ADAMTSL1: variants seen among roughly 807,000 people sequenced by gnomAD.
ADAMTSL1 encodes ADAMTS like 1.
ADAMTSL1 carries 126 observed loss-of-function variants against 201.8 expected under a neutral mutation model. The observed-to-expected ratio is 0.62, with a 90% CI of 0.54 to 0.72. The LOEUF (loss-of-function observed/expected upper bound fraction) is 0.72. ADAMTSL1 is among the 30% of genes least tolerant of loss of function. The pLI is 0.00. For synonymous variants in ADAMTSL1, 1,121 were observed against 903.4 expected (o/e 1.24, Z -4.32); for missense variants, 2,679 against 2,277.8 (o/e 1.18, Z -3.59).
At chr9:18,313,591 T>A (rs571059805) in intron 2 of ADAMTSL1, among the ~76,000 whole-genome samples, 1 of 152,152 alleles carries the variant, frequency 6.6e-6, no homozygotes, top group South Asian at 2.1e-4. Flanking sequence ...ACAGACAGTG[T>A]TTGAAAAATC....
intron 4 of ADAMTSL1, among the ~76,000 whole-genome samples, chr9:18,621,207 A>G (rs1358180226): frequency 2.6e-5 from 4 of 152,210 alleles, no homozygotes; most frequent in Non-Finnish European, 5.9e-5. Flanking sequence ...AAGCCATACA[A>G]CCTGGCATAG....
intron 20 of ADAMTSL1, among the ~76,000 whole-genome samples, chr9:18,799,745 G>A (rs1360614015): frequency 6.6e-6 from 1 of 152,004 alleles, no homozygotes; most frequent in African/African-American, 2.4e-5. Flanking sequence ...TTCCTAGCAT[G>A]TTTTTTTGCT....
At chr9:18,903,511 T>G (rs1336178011) in intron 26 of ADAMTSL1, among the ~76,000 whole-genome samples, 1 of 152,196 alleles carries the variant, frequency 6.6e-6, no homozygotes, top group Non-Finnish European at 1.5e-5. Context: ...AGCATTTTAT[T>G]TCTTCACGTG....
chr9:18,489,047 G>T (rs1250304364), intron 1 of ADAMTSL1, among the ~76,000 whole-genome samples: 1 of 152,096 alleles, frequency 6.6e-6, no homozygotes, highest in Non-Finnish European at 1.5e-5. Context: ...CAAAGTATCT[G>T]GGTGGCTGGC....
intron 2 of ADAMTSL1, among the ~76,000 whole-genome samples, chr9:18,317,429 T>A (rs1424454398): frequency 6.6e-6 from 1 of 150,794 alleles, no homozygotes; most frequent in Non-Finnish European, 1.5e-5. Flanking sequence ...CACACGTACA[T>A]GAGCAAATTT....
chr9:18,169,996 T>C (rs1827818798), intron 2 of ADAMTSL1, among the ~76,000 whole-genome samples: 1 of 152,008 alleles, frequency 6.6e-6, no homozygotes, highest in African/African-American at 2.4e-5. Context: ...GAAGCATAGA[T>C]TTGGTTACAG....
chr9:18,682,083 AC>A, intron 12 of ADAMTSL1, 124 bp downstream of exon 12: 1 of 1,148,024 alleles, frequency 8.7e-7, no homozygotes, highest in South Asian at 1.9e-5. Flanking sequence ...TATAACTTAA[AC>A]TCTACTAAAG....
chr9:18,643,156 C>A (rs1827557191), intron 7 of ADAMTSL1, among the ~76,000 whole-genome samples: 1 of 151,896 alleles, frequency 6.6e-6, no homozygotes, highest in South Asian at 2.1e-4. Flanking sequence ...GTACTGAATG[C>A]CTTTCCCTGA....
At chr9:18,063,920 C>T (rs548031563) in intron 1 of ADAMTSL1, among the ~76,000 whole-genome samples, 1 of 152,240 alleles carries the variant, frequency 6.6e-6, no homozygotes, top group Admixed American at 6.5e-5. Flanking sequence ...GAGCCAGCTT[C>T]CAATTTCCGT....
At chr9:17,940,242 C>T (rs1002047837) in intron 1 of ADAMTSL1, among the ~76,000 whole-genome samples, 2 of 151,976 alleles carry the variant, frequency 1.3e-5, no homozygotes. Context: ...GAGATTGTAA[C>T]CTTTACGTCA....
intron 1 of ADAMTSL1, among the ~76,000 whole-genome samples, chr9:18,498,118 A>G (rs1245470169): frequency 6.6e-6 from 1 of 152,112 alleles, no homozygotes; most frequent in Non-Finnish European, 1.5e-5. Context: ...AAAGGTCAAA[A>G]TATGAAGCTA....
intron 23 of ADAMTSL1, among the ~76,000 whole-genome samples, chr9:18,848,220 A>G (rs1211912842): frequency 6.6e-6 from 1 of 152,188 alleles, no homozygotes; most frequent in Non-Finnish European, 1.5e-5. Flanking sequence ...TTTAGAAAAA[A>G]ATATTCCAAC....
rs768043936 is a variant in ADAMTSL1 at position 18,777,630 on chromosome 9, C to A, written c.3401C>A (p.Pro1134His). 2 of 1,613,726 alleles carry A rather than the reference C, an allele frequency of 1.2e-6. No homozygotes were observed. Among genetic ancestry groups the A allele is most frequent in the Non-Finnish European group, 1.7e-6 (2 of 1,179,860 alleles). ...AGGACTTCCCCAGTGACTCTCTCGC[C>A]TCATAAACACGTGTCTGGCTTCAGC... ...ERRTSPVTLSPHKHVSGFSSS... is the reference protein window; with the variant it reads ...ERRTSPVTLSHHKHVSGFSSS... Residue 1134 changes from proline to histidine, a missense_variant, in exon 19 of 29, where the codon CCT becomes CAT. By Grantham distance (77) the Pro-to-His change is moderately conservative. Transcript: ENST00000380548.
chr9:18,265,561 T>A (rs1234119678), intron 2 of ADAMTSL1, among the ~76,000 whole-genome samples: 1 of 152,204 alleles, frequency 6.6e-6, no homozygotes, highest in East Asian at 1.9e-4. Context: ...ATGAATAAGC[T>A]ATGGTAAAAT....
At chr9:18,896,129 C>A (rs1829622202) in intron 26 of ADAMTSL1, among the ~76,000 whole-genome samples, 2 of 152,080 alleles carry the variant, frequency 1.3e-5, no homozygotes, top group Admixed American at 1.3e-4. Flanking sequence ...TTTTGAGAGT[C>A]TCAGAAGAAG....
At chr9:18,005,505 T>C (rs1456944484) in intron 1 of ADAMTSL1, among the ~76,000 whole-genome samples, 1 of 152,078 alleles carries the variant, frequency 6.6e-6, no homozygotes, top group African/African-American at 2.4e-5. Flanking sequence ...CAATCCAGTC[T>C]ATAACTCAGC....
At chr9:18,141,416 CT>C (rs1826394321) in intron 1 of ADAMTSL1, among the ~76,000 whole-genome samples, 1 of 152,160 alleles carries the variant, frequency 6.6e-6, no homozygotes, top group Non-Finnish European at 1.5e-5. Flanking sequence ...ACCAGGCCAG[CT>C]TTTCTAGAAC....
chr9:18,436,224 G>A (rs1164333311), intron 2 of ADAMTSL1, among the ~76,000 whole-genome samples: 1 of 152,080 alleles, frequency 6.6e-6, no homozygotes, highest in Non-Finnish European at 1.5e-5. Flanking sequence ...GACTGTAAAT[G>A]CTCGGGGAAG....
intron 1 of ADAMTSL1, among the ~76,000 whole-genome samples, chr9:18,152,607 G>C (rs1205939254): frequency 1.3e-5 from 2 of 151,938 alleles, no homozygotes; most frequent in African/African-American, 4.8e-5. Flanking sequence ...CAGTGAGTTA[G>C]CATCATTCTC....
Sources: allele counts gnomAD v4.1 joint callset (sites outside exome capture counted in the v4.1 genomes callset), GRCh38; gene constraint gnomAD v4.1.1; transcripts MANE v1.5; gene names NCBI Gene and HGNC (gene_info 2026-07-23, HGNC 2026-07-21).